The following USP40 variants were observed in gnomAD, a reference collection of about 807,000 sequenced individuals.
USP40 encodes the protein ubiquitin carboxyl-terminal hydrolase 40.
In USP40, 143 loss-of-function variants were observed where a neutral mutation model predicts 166.2. The observed-to-expected ratio is 0.86, with a 90% CI of 0.75 to 0.99. USP40 has a LOEUF of 0.99. USP40 is among the 50% of genes least tolerant of loss of function. USP40 has a pLI of 0.00. For missense variants in USP40, 1,444 were observed against 1,479.7 expected, an observed-to-expected ratio of 0.98 and a Z score of 0.40; for synonymous variants, 498 against 524.0, an observed-to-expected ratio of 0.95 and a Z score of 0.68.
chr2:233,549,283 TAATC>T, intron 7 of USP40, 54 bp from the exon 8 acceptor site: 1 of 1,117,916 alleles, frequency 8.9e-7, no homozygotes, highest in Non-Finnish European at 1.2e-6. Context: ...ATGCTGATAA[TAATC>T]AAAAGAAAAA....
intron 4 of USP40, among the ~76,000 whole-genome samples, chr2:233,558,188 A>G (rs1471665051): frequency 2.0e-5 from 3 of 151,980 alleles, no homozygotes; most frequent in African/African-American, 7.2e-5. Flanking sequence ...AAACAATCCT[A>G]CACTTCGCAA....
chr2:233,552,704 T>C (rs940003711), intron 6 of USP40, among the ~76,000 whole-genome samples: 6 of 152,178 alleles, frequency 3.9e-5, no homozygotes, highest in Non-Finnish European at 1.5e-5. Flanking sequence ...TGGAAATACA[T>C]GTGAAACAGT....
rs900877236 is a variant in USP40, at chr2:233,519,787, G to C, written c.2326-116C>G. The C allele has an allele frequency of 1.4e-5, 8 of 582,286 alleles. No individual in the cohort carries two copies. In the East Asian group the frequency reaches 2.5e-4, roughly 18 times the overall value. The allele number at this position is 582,286 out of a possible 1,614,324, so 36.1% of individuals were successfully genotyped here. On this transcript the variant is annotated intron_variant, in intron 17 of 31. Transcript: ENST00000678225. ...TGAGATATTAATTACCTGACATTTAGTAGTTTTTGCCCACTGGAAATTTTT... is the reference window on the plus strand; with the variant it reads ...TGAGATATTAATTACCTGACATTTACTAGTTTTTGCCCACTGGAAATTTTT...
chr2:233,533,432 T>G, intron 11 of USP40, 47 bp downstream of exon 11: 2 of 1,553,504 alleles, frequency 1.3e-6, no homozygotes, highest in Admixed American at 3.9e-5. Context: ...ATGTTTATCT[T>G]CTAAAGCCAT....
intron 2 of USP40, among the ~76,000 whole-genome samples, chr2:233,563,819 C>T (rs534758433): frequency 6.6e-5 from 10 of 152,174 alleles, no homozygotes; most frequent in Non-Finnish European, 1.3e-4. Context: ...AAATCATATG[C>T]TTGGCCAGCA....
At chr2:233,488,852 A>G (rs570942886) in intron 27 of USP40, among the ~76,000 whole-genome samples, 1 of 152,270 alleles carries the variant, frequency 6.6e-6, no homozygotes, top group East Asian at 1.9e-4. Flanking sequence ...GCTGTAGTTG[A>G]GCCATGATCA....
chr2:233,489,648 T>C, intron 26 of USP40, 165 bp from the exon 27 acceptor site: 1 of 624,264 alleles, frequency 1.6e-6, no homozygotes, highest in Non-Finnish European at 2.8e-6. Context: ...CTCTCTCTCT[T>C]AAATAACACT....
intron 20 of USP40, among the ~76,000 whole-genome samples, chr2:233,510,615 G>C (rs1025495571): frequency 1.3e-5 from 2 of 151,692 alleles, no homozygotes; most frequent in African/African-American, 4.8e-5. Context: ...TGTTGGCCAG[G>C]CTGGTGTTGA....
chr2:233,565,325 T>C (rs1354259121), intron 2 of USP40, 31 bp downstream of exon 2: 8 of 1,449,480 alleles, frequency 5.5e-6, no homozygotes, highest in South Asian at 5.0e-5. Flanking sequence ...ATGGTACATA[T>C]TGCTAGTTAA....
intron 31 of USP40, among the ~76,000 whole-genome samples, chr2:233,479,042 C>T (rs558069356): frequency 1.3e-5 from 2 of 152,206 alleles, no homozygotes; most frequent in South Asian, 4.1e-4. Context: ...CAGAAGACAC[C>T]AGTGGTCTAC....
At chr2:233,503,615 G>A (rs2066222981) in intron 21 of USP40, among the ~76,000 whole-genome samples, 1 of 148,216 alleles carries the variant, frequency 6.7e-6, no homozygotes, top group Non-Finnish European at 1.5e-5. Flanking sequence ...AGAAGAAAAT[G>A]GGGGTAATAT....
intron 5 of USP40, among the ~76,000 whole-genome samples, chr2:233,556,273 A>T (rs1018327933): frequency 7.2e-6 from 1 of 139,588 alleles, no homozygotes; most frequent in Non-Finnish European, 1.6e-5. Context: ...TTACATTTAC[A>T]TGAGCAAATT....
At chr2:233,543,569 G>T (rs951634812) in intron 8 of USP40, among the ~76,000 whole-genome samples, 1 of 152,182 alleles carries the variant, frequency 6.6e-6, no homozygotes, top group Non-Finnish European at 1.5e-5. Flanking sequence ...GGTCACAAAA[G>T]ATGAGCCCTC....
chr2:233,500,507 G>A (rs2066007570), intron 21 of USP40, among the ~76,000 whole-genome samples: 1 of 152,030 alleles, frequency 6.6e-6, no homozygotes, highest in Non-Finnish European at 1.5e-5. Context: ...ATTAAATCTT[G>A]GACAAGCGAG....
At chr2:233,512,505 C>T in intron 19 of USP40, 64 bp downstream of exon 19, 1 of 1,123,026 alleles carries the variant, frequency 8.9e-7, no homozygotes, top group Non-Finnish European at 1.3e-6. Context: ...TATTGGAGGC[C>T]ACTATTTATC....
At chr2:233,495,048 T>C (rs1022085465) in intron 24 of USP40, among the ~76,000 whole-genome samples, 2 of 148,284 alleles carry the variant, frequency 1.3e-5, no homozygotes, top group East Asian at 2.0e-4. Flanking sequence ...TTGTTACTTG[T>C]ATCAACAAAA....
chr2:233,499,361 A>C (rs1010003304), intron 22 of USP40, among the ~76,000 whole-genome samples: 4 of 152,190 alleles, frequency 2.6e-5, no homozygotes, highest in African/African-American at 9.7e-5. Context: ...ATGGCTGCAC[A>C]GTATTCCATG....
Position 233,489,062 on chromosome 2 carries a change from C to A in USP40, c.3131+303G>T, listed in dbSNP as rs976076229. Among the ~76,000 whole-genome samples, 3 of 152,342 alleles carry A rather than the reference C, an allele frequency of 2.0e-5. No homozygotes were observed. In the East Asian group the frequency reaches 5.8e-4, roughly 29 times the overall value. Reference sequence around the variant, plus strand: ...CAGGAGGAGGATCAGCTGAATCCAACATTTCTGAGTGAGAAACAGCCACTC... The same window carrying A: ...CAGGAGGAGGATCAGCTGAATCCAAAATTTCTGAGTGAGAAACAGCCACTC... On this transcript the variant is annotated intron_variant, in intron 27 of 31. Transcript: ENST00000678225.
At chr2:233,534,723 C>T (rs978590505) in intron 10 of USP40, among the ~76,000 whole-genome samples, 4 of 152,088 alleles carry the variant, frequency 2.6e-5, no homozygotes, top group Non-Finnish European at 5.9e-5. Flanking sequence ...AAAAAAGTAT[C>T]AACAACTTGA....
Sources: allele counts gnomAD v4.1 joint callset (sites outside exome capture counted in the v4.1 genomes callset), GRCh38; gene constraint gnomAD v4.1.1; transcripts MANE v1.5; gene names NCBI Gene and HGNC (gene_info 2026-07-23, HGNC 2026-07-21).